POU2F2: variants seen among roughly 807,000 people sequenced by gnomAD.
The protein encoded by POU2F2 is POU class 2 homeobox 2.
Under a neutral mutation model 63.5 loss-of-function variants are expected in POU2F2, and 14 were observed. That is an observed-to-expected ratio of 0.22 (90% CI 0.15 to 0.34). The LOEUF is 0.34. Ranked by LOEUF, POU2F2 falls within the 10% of genes least tolerant of loss-of-function variation. The pLI is 1.00. For missense variants in POU2F2, 607 were observed against 815.2 expected, an observed-to-expected ratio of 0.74 and a Z score of 3.11; for synonymous variants, 306 against 348.6, an observed-to-expected ratio of 0.88 and a Z score of 1.36.
chr19:42,195,283 G>A (rs2035128628), intron 1 of POU2F2, among the ~76,000 whole-genome samples: 2 of 151,258 alleles, frequency 1.3e-5, no homozygotes, highest in Admixed American at 6.6e-5. Context: ...AGGAAAGGAG[G>A]GAGGTTTCCT....
At chr19:42,129,824 C>T (rs546764549) in intron 1 of POU2F2, among the ~76,000 whole-genome samples, 1 of 152,302 alleles carries the variant, frequency 6.6e-6, no homozygotes, top group African/African-American at 2.4e-5. Flanking sequence ...GATGGAGATA[C>T]AGGCAGCAGA....
chr19:42,093,957 C>A, intron 11 of POU2F2, 62 bp from the exon 12 acceptor site: 1 of 1,430,032 alleles, frequency 7.0e-7, no homozygotes, highest in Non-Finnish European at 9.8e-7. Context: ...CGTGATGCTC[C>A]CTGTAGGACC....
chr19:42,177,528 C>T (rs146706190), upstream of POU2F2, among the ~76,000 whole-genome samples: 15 of 150,630 alleles, frequency 1.0e-4, no homozygotes, highest in Non-Finnish European at 2.2e-4. Context: ...GACACAGAGA[C>T]GGAGAGATGC....
chr19:42,125,238 T>C (rs2033082197), intron 1 of POU2F2, among the ~76,000 whole-genome samples: 1 of 151,686 alleles, frequency 6.6e-6, no homozygotes, highest in South Asian at 2.1e-4. Context: ...GGTGGGCACC[T>C]ACAGTCCCAG....
At chr19:42,158,494 C>T (rs2034496976) in intron 2 of POU2F2, among the ~76,000 whole-genome samples, 1 of 152,208 alleles carries the variant, frequency 6.6e-6, no homozygotes, top group African/African-American at 2.4e-5. Flanking sequence ...AGGCAAGTTG[C>T]CTTCACGCTC....
chr19:42,166,717 G>A (rs1238383699), intron 1 of POU2F2, among the ~76,000 whole-genome samples: 1 of 152,070 alleles, frequency 6.6e-6, no homozygotes, highest in Non-Finnish European at 1.5e-5. Context: ...GAGGGTGCAG[G>A]ATGGGAGCAT....
chr19:42,179,028 C>T (rs996412692), upstream of POU2F2, among the ~76,000 whole-genome samples: 3 of 151,378 alleles, frequency 2.0e-5, no homozygotes, highest in South Asian at 2.1e-4. Context: ...CAGAGAGATG[C>T]GAGACAGAGA....
At chr19:42,097,970 T>TTTG (rs747848334) in intron 7 of POU2F2, among the ~76,000 whole-genome samples, 4 of 152,054 alleles carry the variant, frequency 2.6e-5, no homozygotes, top group African/African-American at 7.2e-5. Context: ...CCTCTCAGGT[T>TTTG]TTGTTGTTGT....
chr19:42,118,108 A>G (rs1482876094), intron 4 of POU2F2, among the ~76,000 whole-genome samples: 5 of 152,102 alleles, frequency 3.3e-5, no homozygotes, highest in Non-Finnish European at 1.5e-5. Context: ...ATTTTTCTGT[A>G]GAGACAGGGT....
intron 1 of POU2F2, among the ~76,000 whole-genome samples, chr19:42,192,169 C>A (rs150742854): frequency 6.6e-6 from 1 of 152,054 alleles, no homozygotes; most frequent in Non-Finnish European, 1.5e-5. Flanking sequence ...TAGATCATTA[C>A]GAGGATGGAT....
upstream of POU2F2, among the ~76,000 whole-genome samples, chr19:42,180,646 C>G (rs1306753629): frequency 6.6e-6 from 1 of 152,144 alleles, no homozygotes; most frequent in Non-Finnish European, 1.5e-5. Flanking sequence ...GGCGGTCATC[C>G]TTCCTAAGAA....
intron 7 of POU2F2, among the ~76,000 whole-genome samples, chr19:42,097,420 C>A (rs1046882364): frequency 6.6e-6 from 1 of 151,716 alleles, no homozygotes; most frequent in East Asian, 1.9e-4. Context: ...TGGTCTCGAA[C>A]TCCCGACCTC....
chr19:42,122,021 G>T, intron 4 of POU2F2, 105 bp downstream of exon 4: 1 of 1,223,830 alleles, frequency 8.2e-7, no homozygotes, highest in Non-Finnish European at 1.2e-6. Flanking sequence ...TCGTTACCAA[G>T]GTACCAAGGC....
chr19:42,193,937 T>C (rs528162015), intron 1 of POU2F2, among the ~76,000 whole-genome samples: 13 of 152,222 alleles, frequency 8.5e-5, no homozygotes, highest in Non-Finnish European at 1.5e-5. Context: ...CCAATAAAAA[T>C]GAGTCAACTA....
intron 1 of POU2F2, among the ~76,000 whole-genome samples, chr19:42,130,777 T>C (rs1174445356): frequency 6.6e-6 from 1 of 150,998 alleles, no homozygotes; most frequent in Non-Finnish European, 1.5e-5. Context: ...GACACCCCCT[T>C]CCTCCAGGAA....
In POU2F2 at chr19:42,088,663, C is replaced by G. The variant is rs2076623104; in HGVS notation, c.*2594G>C. The stretch of plus-strand genomic sequence containing the variant: ...TTCCTATTTGGTCAGGAGCCCTTGG[C>G]CCCCTCTCCACCCTTGGGCTGGGGC... On this transcript the variant is annotated 3_prime_UTR_variant, in exon 15 of 15. Transcript: ENST00000692977. 2 of 152,528 alleles carry G rather than the reference C, an allele frequency of 1.3e-5. No individual in the cohort carries two copies. The highest frequency in any genetic ancestry group is 4.8e-5 in the African/African-American group (2 of 41,396). 9.4% of individuals were successfully genotyped at this position (152,528 alleles called of 1,614,324 possible). A position where few individuals can be genotyped will look rare whatever the true frequency, so the allele number is the denominator to read the frequency against.
intron 1 of POU2F2, among the ~76,000 whole-genome samples, chr19:42,186,120 A>C (rs1183025622): frequency 6.6e-6 from 1 of 152,010 alleles, no homozygotes. Context: ...GGAGATTGAG[A>C]CCATCCTGGC....
intron 5 of POU2F2, among the ~76,000 whole-genome samples, chr19:42,106,787 A>AGAGGAGGAGGAGGAGGAAGAG (rs2030108611): frequency 7.5e-6 from 1 of 133,688 alleles, no homozygotes; most frequent in Non-Finnish European, 1.6e-5. Context: ...AGAAGGAGGA[A>AGAGGAGGAGGAGGAGGAAGAG]GAGGAGGAGG....
chr19:42,171,988 C>T (rs1289735485), intron 1 of POU2F2, among the ~76,000 whole-genome samples: 2 of 152,148 alleles, frequency 1.3e-5, no homozygotes, highest in East Asian at 1.9e-4. Context: ...AATAGCTCCC[C>T]GCTGCCAGCC....
Sources: gnomAD v4.1 joint callset for allele counts (sites outside exome capture counted in the v4.1 genomes callset) on GRCh38, gnomAD v4.1.1 for gene constraint, MANE v1.5 for transcripts, NCBI Gene and HGNC (gene_info 2026-07-23, HGNC 2026-07-21) for gene names.